CDK17: variants seen among roughly 807,000 people sequenced by gnomAD.
CDK17 encodes the protein cyclin dependent kinase 17.
In CDK17, 24 loss-of-function variants were observed where a neutral mutation model predicts 77.6. The observed-to-expected ratio is 0.31, with a 90% confidence interval of 0.22 to 0.44. The LOEUF (loss-of-function observed/expected upper bound fraction) is 0.44, where lower values mean the gene tolerates loss of function less well. Among genes scored for constraint, CDK17 ranks in the 20% least tolerant of loss-of-function variants. The pLI, the probability that CDK17 is intolerant of heterozygous loss-of-function variation, is 1.00. For synonymous variants in CDK17, 203 were observed against 210.4 expected, an observed-to-expected ratio of 0.96 and a Z score of 0.30; for missense variants, 429 against 622.5, an observed-to-expected ratio of 0.69 and a Z score of 3.31.
intron 1 of CDK17, among the ~76,000 whole-genome samples, chr12:96,367,981 A>G (rs535890750): frequency 2.0e-5 from 3 of 152,360 alleles, no homozygotes; most frequent in East Asian, 1.9e-4. Flanking sequence ...GGTCTGCCAT[A>G]TAACACAGGT....
intron 1 of CDK17, among the ~76,000 whole-genome samples, chr12:96,365,950 A>G (rs943914706): frequency 6.6e-6 from 1 of 152,240 alleles, no homozygotes; most frequent in Non-Finnish European, 1.5e-5. Context: ...CTTCTACAGG[A>G]GACCTATAAG....
chr12:96,363,449 CAAAAAA>C (rs34143645), intron 1 of CDK17, among the ~76,000 whole-genome samples: 3 of 110,804 alleles, frequency 2.7e-5, no homozygotes, highest in Admixed American at 9.4e-5. Context: ...GACTTCGTCT[CAAAAAA>C]AAAAAAAAAA....
chr12:96,339,505 T>C (rs1592738405), intron 1 of CDK17, among the ~76,000 whole-genome samples: 1 of 151,854 alleles, frequency 6.6e-6, no homozygotes, highest in Non-Finnish European at 1.5e-5. Flanking sequence ...CACTTAAAAA[T>C]GGTAAAGATA....
At chr12:96,305,481 A>G (rs761466797) in intron 5 of CDK17, among the ~76,000 whole-genome samples, 5 of 151,006 alleles carry the variant, frequency 3.3e-5, no homozygotes, top group Non-Finnish European at 7.4e-5. Flanking sequence ...TGTAAATCTA[A>G]AACTAAAATT....
At chr12:96,358,682 A>T (rs1347438705) in intron 1 of CDK17, among the ~76,000 whole-genome samples, 1 of 152,052 alleles carries the variant, frequency 6.6e-6, no homozygotes, top group Non-Finnish European at 1.5e-5. Flanking sequence ...AAAGGTAGCC[A>T]GGTGTTGTGG....
At chr12:96,385,012 G>GGAAAAAAAAAAA (rs1565846245) in intron 1 of CDK17, among the ~76,000 whole-genome samples, 1 of 75,504 alleles carries the variant, frequency 1.3e-5, no homozygotes, top group Non-Finnish European at 2.6e-5. Flanking sequence ...TTTCTCAAGG[G>GGAAAAAAAAAAA]AAAAAAAAAA....
At chr12:96,287,029 C>T (rs1005280434) in intron 11 of CDK17, among the ~76,000 whole-genome samples, 2 of 152,170 alleles carry the variant, frequency 1.3e-5, no homozygotes, top group Non-Finnish European at 2.9e-5. Context: ...CTAACAGTGA[C>T]TGAAGATTTA....
At chr12:96,351,203 T>C (rs1474609283) in intron 1 of CDK17, among the ~76,000 whole-genome samples, 1 of 152,042 alleles carries the variant, frequency 6.6e-6, no homozygotes, top group Non-Finnish European at 1.5e-5. Context: ...GTGGACAAAC[T>C]GGAACACTGA....
chr12:96,297,755 T>C, intron 7 of CDK17, 34 bp from the exon 8 acceptor site: 1 of 1,148,480 alleles, frequency 8.7e-7, no homozygotes, highest in Non-Finnish European at 1.3e-6. Context: ...GTTTAGTCTG[T>C]GGCAGTCTTT....
At chr12:96,368,387 T>C (rs1411825910) in intron 1 of CDK17, among the ~76,000 whole-genome samples, 2 of 152,184 alleles carry the variant, frequency 1.3e-5, no homozygotes, top group Non-Finnish European at 2.9e-5. Context: ...GAGCTTCTAA[T>C]GTGGCTCTTG....
At chr12:96,328,004 C>T (rs2137132344) in intron 2 of CDK17, among the ~76,000 whole-genome samples, 1 of 152,274 alleles carries the variant, frequency 6.6e-6, no homozygotes, top group South Asian at 2.1e-4. Context: ...TGTTAGGAAC[C>T]AGGCCAAGAG....
chr12:96,348,760 A>T (rs1170032312), intron 1 of CDK17, among the ~76,000 whole-genome samples: 2 of 152,084 alleles, frequency 1.3e-5, no homozygotes, highest in African/African-American at 2.4e-5. Flanking sequence ...AACCAGCAAA[A>T]CTCACAAGAA....
chr12:96,328,815 T>G (rs1479444927), intron 2 of CDK17, among the ~76,000 whole-genome samples: 2 of 152,058 alleles, frequency 1.3e-5, no homozygotes, highest in Non-Finnish European at 2.9e-5. Context: ...AGTCAACATA[T>G]ATATGGTAGT....
chr12:96,326,352 G>A (rs985641112), intron 2 of CDK17, among the ~76,000 whole-genome samples: 1 of 152,148 alleles, frequency 6.6e-6, no homozygotes, highest in East Asian at 1.9e-4. Context: ...AATGACAGGC[G>A]ATATGCAAAA....
At chr12:96,317,121 T>C (rs1952741362) in intron 3 of CDK17, among the ~76,000 whole-genome samples, 1 of 144,882 alleles carries the variant, frequency 6.9e-6, no homozygotes, top group African/African-American at 2.5e-5. Context: ...AAGGAGCTGA[T>C]GGAGCTGAAA....
intron 1 of CDK17, among the ~76,000 whole-genome samples, chr12:96,362,216 TTTGA>T (rs1274584054): frequency 6.6e-6 from 1 of 151,974 alleles, no homozygotes; most frequent in Admixed American, 6.6e-5. Flanking sequence ...TACAGCACAC[TTTGA>T]TTTTTTTTTT....
At chr12:96,299,705 C>T (rs1952470174) in intron 6 of CDK17, among the ~76,000 whole-genome samples, 1 of 152,074 alleles carries the variant, frequency 6.6e-6, no homozygotes, top group Admixed American at 6.6e-5. Flanking sequence ...AAAATTTTAC[C>T]CATGTTTCTA....
intron 1 of CDK17, among the ~76,000 whole-genome samples, chr12:96,360,025 A>G (rs1953468210): frequency 6.6e-6 from 1 of 152,218 alleles, no homozygotes; most frequent in African/African-American, 2.4e-5. Context: ...AACCTACACT[A>G]AAAGGTATTA....
intron 1 of CDK17, among the ~76,000 whole-genome samples, chr12:96,395,972 T>C (rs564157646): frequency 6.6e-6 from 1 of 152,208 alleles, no homozygotes; most frequent in Admixed American, 6.5e-5. Context: ...TATTTTGTTA[T>C]AGTACCCCAA....
Sources: allele counts gnomAD v4.1 joint callset (sites outside exome capture counted in the v4.1 genomes callset), GRCh38; gene constraint gnomAD v4.1.1; transcripts MANE v1.5; gene names NCBI Gene and HGNC (gene_info 2026-07-23, HGNC 2026-07-21).